COL4A3: variants seen among roughly 807,000 people sequenced by gnomAD.
COL4A3 encodes the protein collagen alpha-3(IV) chain.
Under a neutral mutation model 217.4 loss-of-function variants are expected in COL4A3, and 135 were observed. That is an observed-to-expected ratio of 0.62 (90% CI 0.54 to 0.72). COL4A3 has a LOEUF of 0.72. Ranked by LOEUF, COL4A3 falls within the 30% of genes least tolerant of loss-of-function variation. COL4A3 has a pLI of 0.00. For synonymous variants in COL4A3, 690 were observed against 736.3 expected, an observed-to-expected ratio of 0.94 and a Z score of 1.02; for missense variants, 1,868 against 2,119.9, an observed-to-expected ratio of 0.88 and a Z score of 2.33.
intron 1 of COL4A3, among the ~76,000 whole-genome samples, chr2:227,208,626 T>C: frequency 6.6e-6 from 1 of 152,196 alleles, no homozygotes; most frequent in East Asian, 1.9e-4. Context: ...TCGGGGAGAC[T>C]GAGTTGAGTA....
chr2:227,222,729 G>T (rs1251773408), intron 1 of COL4A3, among the ~76,000 whole-genome samples: 1 of 152,150 alleles, frequency 6.6e-6, no homozygotes, highest in Non-Finnish European at 1.5e-5. Context: ...AAGGTCAGAG[G>T]CAGTGAGAAG....
chr2:227,251,169 G>A lies in COL4A3; in HGVS notation c.576G>A (p.Gly192=). 6.2e-7 allele frequency: 1 copy of A among 1,613,870 alleles called. No individual in the cohort carries two copies. The highest frequency in any genetic ancestry group is 8.5e-7 in the Non-Finnish European group (1 of 1,179,798). ...QGLPGPPGFP[G]PVGPPGPPGF... ...TGCCAGGCCCTCCAGGTTTTCCTGGGCCTGTTGGCCCACCTGGTCCTCCGG... is the reference window on the plus strand; with the variant it reads ...TGCCAGGCCCTCCAGGTTTTCCTGGACCTGTTGGCCCACCTGGTCCTCCGG... Residue 192 remains glycine, a synonymous_variant, in exon 10 of 52, where the codon GGG becomes GGA. Coordinates refer to ENST00000396578, the MANE Select transcript of COL4A3 (RefSeq NM_000091.5).
intron 39 of COL4A3, 50 bp from the exon 40 acceptor site, chr2:227,294,914 T>A: frequency 1.4e-6 from 2 of 1,423,930 alleles, no homozygotes; most frequent in Non-Finnish European, 2.0e-6. Flanking sequence ...ATAAATCCTC[T>A]TTTTGTATAC....
Position 227,209,666 on chromosome 2 carries a change from C to T in COL4A3, c.88-28302C>T, listed in dbSNP as rs367654878. Among the ~76,000 whole-genome samples the T allele has an allele frequency of 1.2e-3, 186 of 152,196 alleles. 3 individuals carry two copies. In the South Asian group the frequency reaches 0.037, roughly 30 times the overall value. ...ACCAGCCTGGCCAATATGGTGAAAC[C>T]CCATCTCTACTAAAAATACAAAAAA... On this transcript the variant is annotated intron_variant, in intron 1 of 51. Transcript: ENST00000396578.
At chr2:227,188,946 G>A (rs1381915686) in intron 1 of COL4A3, among the ~76,000 whole-genome samples, 1 of 152,192 alleles carries the variant, frequency 6.6e-6, no homozygotes, top group African/African-American at 2.4e-5. Flanking sequence ...GAGAATGCCT[G>A]CCGAAGGAGC....
At chr2:227,267,548 A>G (rs1324654702) in intron 23 of COL4A3, among the ~76,000 whole-genome samples, 1 of 152,218 alleles carries the variant, frequency 6.6e-6, no homozygotes, top group African/African-American at 2.4e-5. Flanking sequence ...AATGCTCTTT[A>G]AAAAATTGCA....
intron 1 of COL4A3, among the ~76,000 whole-genome samples, chr2:227,174,432 A>G (rs2065601609): frequency 6.6e-6 from 1 of 152,220 alleles, no homozygotes; most frequent in Non-Finnish European, 1.5e-5. Flanking sequence ...CAACATATTT[A>G]TAGCAGACAG....
In COL4A3 at chr2:227,280,970, G is replaced by A. The variant is rs868002181; in HGVS notation, c.2452G>A (p.Gly818Arg). 104 of 1,566,694 alleles carry A rather than the reference G, an allele frequency of 6.6e-5. No individual in the cohort carries two copies. The highest frequency in any genetic ancestry group is 8.7e-5 in the Non-Finnish European group (101 of 1,155,078). Residue 818 changes from glycine (G) to arginine (R), a missense_variant, in exon 31 of 52, where the codon GGA becomes AGA. Physicochemically the swap from Gly to Arg is moderately radical, Grantham distance 125. Transcript: ENST00000396578. ...RCIEGPRGAQ[G>R]LPGLNGLKGQ... ...CATAGAGGGTCCCAGGGGAGCCCAA[G>A]GACTTCCAGGCTTAAATGGATTGAA...
chr2:227,211,618 C>T (rs911654777), intron 1 of COL4A3, among the ~76,000 whole-genome samples: 1 of 150,540 alleles, frequency 6.6e-6, no homozygotes, highest in African/African-American at 2.5e-5. Flanking sequence ...TTCTCCTTGC[C>T]TTCACTAACA....
intron 34 of COL4A3, among the ~76,000 whole-genome samples, chr2:227,288,892 T>C (rs948466275): frequency 2.6e-5 from 4 of 152,024 alleles, no homozygotes; most frequent in Admixed American, 2.0e-4. Flanking sequence ...TAAACCAGGA[T>C]GTGGATGGGT....
At chr2:227,306,754 G>C (rs369347366) in intron 47 of COL4A3, among the ~76,000 whole-genome samples, 2 of 152,072 alleles carry the variant, frequency 1.3e-5, no homozygotes, top group African/African-American at 2.4e-5. Context: ...CCAGGGGCAC[G>C]GATGTCCCAG....
chr2:227,305,504 G>T, intron 47 of COL4A3: 1 of 162,714 alleles, frequency 6.1e-6, no homozygotes, highest in South Asian at 1.6e-4. Flanking sequence ...TTTTAAGAAA[G>T]CCATCTTTTA....
chr2:227,270,297 G>T (rs1467673515), intron 24 of COL4A3, among the ~76,000 whole-genome samples: 5 of 152,164 alleles, frequency 3.3e-5, no homozygotes, highest in African/African-American at 1.2e-4. Context: ...TGTGGTGATT[G>T]TGGCATAATT....
At chr2:227,233,196 T>A (rs60938599) in intron 1 of COL4A3, among the ~76,000 whole-genome samples, 14,262 of 152,038 alleles carry the variant, frequency 0.094, 687 homozygotes, top group Admixed American at 0.15. Flanking sequence ...GTATTTTTAG[T>A]AGAGACAGGG....
intron 1 of COL4A3, among the ~76,000 whole-genome samples, chr2:227,174,568 G>A (rs867665442): frequency 3.9e-5 from 6 of 152,078 alleles, no homozygotes; most frequent in South Asian, 2.1e-4. Context: ...GTGCAGTGGC[G>A]CAATCTCGGC....
At chr2:227,233,764 G>A (rs1000630709) in intron 1 of COL4A3, among the ~76,000 whole-genome samples, 10 of 152,270 alleles carry the variant, frequency 6.6e-5, no homozygotes, top group Non-Finnish European at 1.3e-4. Context: ...GCAGACACCA[G>A]GCAGGGAGGA....
intron 38 of COL4A3, chr2:227,293,676 T>A: frequency 2.1e-6 from 1 of 482,700 alleles, no homozygotes; most frequent in South Asian, 1.6e-5. Context: ...TAAACTACAC[T>A]TGATGTTAGC....
intron 1 of COL4A3, among the ~76,000 whole-genome samples, chr2:227,183,726 G>A (rs1340897882): frequency 1.3e-5 from 2 of 152,136 alleles, no homozygotes; most frequent in Non-Finnish European, 2.9e-5. Flanking sequence ...CCTACTTCTG[G>A]TGGTAGCACA....
intron 39 of COL4A3, 45 bp from the exon 40 acceptor site, chr2:227,294,919 G>C (rs773056556): frequency 2.8e-6 from 4 of 1,424,092 alleles, no homozygotes; most frequent in Admixed American, 3.5e-5. Flanking sequence ...TCCTCTTTTT[G>C]TATACCATAG....
Sources: allele counts gnomAD v4.1 joint callset (sites outside exome capture counted in the v4.1 genomes callset), GRCh38; gene constraint gnomAD v4.1.1; transcripts MANE v1.5; gene names NCBI Gene and HGNC (gene_info 2026-07-23, HGNC 2026-07-21).